The following RAC2 variants were observed in gnomAD, a reference collection of about 807,000 sequenced individuals.
RAC2 encodes Rac family small GTPase 2.
In RAC2, 1 loss-of-function variant was observed where a neutral mutation model predicts 24.0. The ratio of observed to expected loss-of-function variants is 0.04; its 90% CI spans 0.01 to 0.20. RAC2 has a LOEUF of 0.20. RAC2 is among the 10% of genes least tolerant of loss of function. RAC2 has a pLI of 1.00. For missense variants in RAC2, 130 were observed against 259.1 expected, an observed-to-expected ratio of 0.50 and a Z score of 3.42; for synonymous variants, 114 against 106.8, an observed-to-expected ratio of 1.07 and a Z score of -0.41.
Position 37,231,517 on chromosome 22 carries a change from T to G in RAC2, c.289-127A>C, listed in dbSNP as rs1927061236. Reference sequence around the variant, plus strand: ...CAGCAAGTTGCCAGAAGATCAGAGGTGGGCACGACGGTGAGGAGAGAGAGA... The same window carrying G: ...CAGCAAGTTGCCAGAAGATCAGAGGGGGGCACGACGGTGAGGAGAGAGAGA... On this transcript the variant is annotated intron_variant, in intron 4 of 6. Transcript: ENST00000249071. This position sits in a 1 kb window ranked among gnomAD's most constrained non-coding sequence, Gnocchi z 5.5. 1.2e-6 allele frequency: 1 copy of G among 862,226 alleles called. No individual in the cohort carries two copies. The highest frequency in any genetic ancestry group is 1.8e-6 in the Non-Finnish European group (1 of 543,604). 53.4% of individuals were successfully genotyped at this position (862,226 alleles called of 1,614,324 possible).
chr22:37,241,153 A>G, intron 2 of RAC2: 1 of 778,764 alleles, frequency 1.3e-6, no homozygotes, highest in Non-Finnish European at 2.4e-6. Context: ...AATAGAGCGC[A>G]GGGCCTCCCA....
chr22:37,229,405 C>T (rs1236921778), intron 5 of RAC2, among the ~76,000 whole-genome samples: 1 of 152,184 alleles, frequency 6.6e-6, no homozygotes, highest in Non-Finnish European at 1.5e-5. Flanking sequence ...GGCCTTAAGC[C>T]AGCAACATGT....
intron 2 of RAC2, among the ~76,000 whole-genome samples, chr22:37,235,046 C>T (rs1927183230): frequency 6.6e-6 from 1 of 152,180 alleles, no homozygotes; most frequent in Non-Finnish European, 1.5e-5. Flanking sequence ...TGCTTATTCT[C>T]CACAGTCTCA....
intron 2 of RAC2, among the ~76,000 whole-genome samples, chr22:37,236,469 T>C (rs1170765793): frequency 1.3e-5 from 2 of 152,174 alleles, no homozygotes; most frequent in African/African-American, 2.4e-5. Flanking sequence ...TTGCCCAAGA[T>C]CTCCCAGCCA....
chr22:37,225,734 A>G lies in RAC2; in HGVS notation c.*308T>C, dbSNP rs1926809430. 6.6e-6 allele frequency: 1 copy of G among 152,264 alleles called. No individual in the cohort carries two copies. Among genetic ancestry groups the G allele is most frequent in the African/African-American group, 2.4e-5 (1 of 41,408 alleles). The allele number at this position is 152,264 out of a possible 1,614,324, so 9.4% of individuals were successfully genotyped here. A position where few individuals can be genotyped will look rare whatever the true frequency, so the allele number is the denominator to read the frequency against. The stretch of plus-strand genomic sequence containing the variant: ...GGGTGGGACTGGAGTGAACGGGTAG[A>G]TGCTTCCACATGCGGCAGTTGGCAC... On this transcript the variant is annotated 3_prime_UTR_variant, in exon 7 of 7. Transcript: ENST00000249071.
chr22:37,233,616 T>G (rs1274826188), intron 2 of RAC2, among the ~76,000 whole-genome samples: 1 of 152,230 alleles, frequency 6.6e-6, no homozygotes, highest in Non-Finnish European at 1.5e-5. Flanking sequence ...TCATCCCGTC[T>G]CAGGCTGGGT....
At chr22:37,243,989 C>A in intron 1 of RAC2, 125 bp downstream of exon 1, 1 of 1,323,784 alleles carries the variant, frequency 7.6e-7, no homozygotes, top group South Asian at 1.2e-5. Flanking sequence ...GGAAGCGTCC[C>A]CTCCAAGCTG....
At chr22:37,232,695 G>A in intron 3 of RAC2, 106 bp downstream of exon 3, 1 of 925,440 alleles carries the variant, frequency 1.1e-6, no homozygotes, top group Non-Finnish European at 1.7e-6. Context: ...TGGGCCTTAA[G>A]GGGAGAGGTA....
chr22:37,228,376 T>C (rs1926950881), intron 5 of RAC2, among the ~76,000 whole-genome samples: 1 of 152,218 alleles, frequency 6.6e-6, no homozygotes. Flanking sequence ...CGGCGTTCCA[T>C]GACATTCTGC....
chr22:37,243,386 G>A (rs1382746237), intron 1 of RAC2, among the ~76,000 whole-genome samples: 1 of 152,096 alleles, frequency 6.6e-6, no homozygotes, highest in East Asian at 1.9e-4. Context: ...ACTGAGAAGG[G>A]TCTCAGCCCA....
intron 2 of RAC2, among the ~76,000 whole-genome samples, chr22:37,235,768 T>C (rs1348902088): frequency 6.6e-6 from 1 of 152,206 alleles, no homozygotes; most frequent in Non-Finnish European, 1.5e-5. Flanking sequence ...TCTCCTCTAA[T>C]GTCCAGCCAC....
At chr22:37,232,146 T>C in intron 3 of RAC2, 152 bp from the exon 4 acceptor site, 1 of 784,930 alleles carries the variant, frequency 1.3e-6, no homozygotes. Context: ...GAGATACCCT[T>C]CTCGCCTCTA....
In RAC2 at chr22:37,241,567, A is replaced by G. The variant is rs6000622; in HGVS notation, c.107+20T>C. ...GTCTCTCCCCTCCTCCCACCACCCCACATATCCCCAGGAACTCACACGGTG... is the reference window on the plus strand; with the variant it reads ...GTCTCTCCCCTCCTCCCACCACCCCGCATATCCCCAGGAACTCACACGGTG... On this transcript the variant is annotated intron_variant, in intron 2 of 6. Transcript: ENST00000249071. 0.013 allele frequency: 20,403 copies of G among 1,605,176 alleles called. 1,906 individuals carry two copies. The African/African-American group carries it at 0.22, about 17-fold the overall frequency.
intron 2 of RAC2, among the ~76,000 whole-genome samples, chr22:37,235,457 G>C (rs1279038907): frequency 6.6e-6 from 1 of 152,128 alleles, no homozygotes; most frequent in Non-Finnish European, 1.5e-5. Context: ...AGCCTTTCCT[G>C]ACTTCCAGCC....
At chr22:37,240,803 A>G (rs1420740943) in intron 2 of RAC2, 2 of 555,416 alleles carry the variant, frequency 3.6e-6, no homozygotes, top group Non-Finnish European at 6.5e-6. Flanking sequence ...GGCTTTAGAC[A>G]GGTGGATGTG....
At chr22:37,237,043 G>T (rs926544685) in intron 2 of RAC2, among the ~76,000 whole-genome samples, 3 of 152,130 alleles carry the variant, frequency 2.0e-5, no homozygotes, top group African/African-American at 7.2e-5. Flanking sequence ...ACAAAACTTA[G>T]CTGGGTGTGG....
chr22:37,230,500 C>T (rs1050653703), intron 5 of RAC2, among the ~76,000 whole-genome samples: 3 of 152,228 alleles, frequency 2.0e-5, no homozygotes, highest in Middle Eastern at 3.4e-3. Context: ...TGAAGCCAGA[C>T]CCATGGTCAT....
intron 1 of RAC2, among the ~76,000 whole-genome samples, chr22:37,243,836 T>G (rs1927479131): frequency 6.6e-6 from 1 of 152,138 alleles, no homozygotes; most frequent in African/African-American, 2.4e-5. Flanking sequence ...CCCCAGCTTT[T>G]GGGGTGCAGG....
At position 37,232,845 on chromosome 22, in the gene RAC2, G is replaced by C. The variant is rs1927110683; in HGVS notation, c.181C>G (p.Gln61Glu). ...GGCCGGAGACGGTCGTAGTCCTCCTGCCCAGCAGTGTCCCACAGCCCCAGG... is the reference window on the plus strand; with the variant it reads ...GGCCGGAGACGGTCGTAGTCCTCCTCCCCAGCAGTGTCCCACAGCCCCAGG... Reference protein sequence around the residue: ...VNLGLWDTAGQEDYDRLRPLS... With the variant: ...VNLGLWDTAGEEDYDRLRPLS... The change falls in exon 3 of 7, where the codon CAG (glutamine) becomes GAG (glutamate). Residue 61 changes from glutamine (Q) to glutamate (E), a missense_variant. Around this residue, in one of 2 missense-constraint regions of RAC2, gnomAD observed 119 missense variants for 192.1 expected, o/e 0.62. Coordinates refer to ENST00000249071, the MANE Select transcript of RAC2 (RefSeq NM_002872.5). The C allele has an allele frequency of 6.2e-7, 1 of 1,613,956 alleles. No individual in the cohort carries two copies. Among genetic ancestry groups the C allele is most frequent in the Non-Finnish European group, 8.5e-7 (1 of 1,180,012 alleles).
Sources: gnomAD v4.1 joint callset for allele counts (sites outside exome capture counted in the v4.1 genomes callset) on GRCh38, gnomAD v4.1.1 for gene constraint, gnomAD v4.1.1 regional missense constraint, Gnocchi (gnomAD v3.1) non-coding constraint, MANE v1.5 for transcripts, NCBI Gene and HGNC (gene_info 2026-07-23, HGNC 2026-07-21) for gene names.